Variants in GRIK4 observed in about 807,000 individuals in gnomAD.
The protein encoded by GRIK4 is glutamate ionotropic receptor kainate type subunit 4.
Under a neutral mutation model 104.9 loss-of-function variants are expected in GRIK4, and 40 were observed. That is an observed-to-expected ratio of 0.38 (90% CI 0.30 to 0.50). The LOEUF (loss-of-function observed/expected upper bound fraction) is 0.50, where lower values mean the gene tolerates loss of function less well. Ranked by LOEUF, GRIK4 falls within the 20% of genes least tolerant of loss-of-function variation. The probability of loss-of-function intolerance (pLI) is 0.93; values close to 1 mark genes in which losing one functional copy is unlikely to be tolerated. For synonymous variants in GRIK4, 485 were observed against 524.9 expected (o/e 0.92, Z 1.04); for missense variants, 1,047 against 1,308.1 (o/e 0.80, Z 3.08).
intron 2 of GRIK4, among the ~76,000 whole-genome samples, chr11:120,659,487 A>T (rs1949775736): frequency 6.6e-6 from 1 of 152,132 alleles, no homozygotes; most frequent in Admixed American, 6.5e-5. Context: ...TCTTTAGTTC[A>T]ACTCCACCAG....
At chr11:120,966,206 C>A (rs1197919938) in intron 18 of GRIK4, among the ~76,000 whole-genome samples, 1 of 152,094 alleles carries the variant, frequency 6.6e-6, no homozygotes, top group Non-Finnish European at 1.5e-5. Context: ...GATGGACAGG[C>A]CAGTGGGTTC....
chr11:120,628,582 G>A (rs900963896), intron 1 of GRIK4, among the ~76,000 whole-genome samples: 1 of 152,194 alleles, frequency 6.6e-6, no homozygotes, highest in Admixed American at 6.5e-5. Context: ...GCCATGGAAA[G>A]GTTGATGGTC....
chr11:120,751,210 C>G (rs1042424597), intron 3 of GRIK4, among the ~76,000 whole-genome samples: 1 of 151,976 alleles, frequency 6.6e-6, no homozygotes, highest in Admixed American at 6.6e-5. Context: ...GCTCAGAACC[C>G]GTGCCTGGCA....
At chr11:120,775,177 C>T (rs759820830) in intron 3 of GRIK4, among the ~76,000 whole-genome samples, 1 of 152,196 alleles carries the variant, frequency 6.6e-6, no homozygotes, top group South Asian at 2.1e-4. Context: ...CCCTGGGCCT[C>T]TGTATTTCTT....
At chr11:120,891,881 AT>A (rs1392450169) in intron 11 of GRIK4, among the ~76,000 whole-genome samples, 5 of 152,134 alleles carry the variant, frequency 3.3e-5, no homozygotes, top group African/African-American at 1.2e-4. Flanking sequence ...GATTCAGCAA[AT>A]TTTTTTCTAT....
At chr11:120,849,077 G>A (rs1953917627) in intron 8 of GRIK4, among the ~76,000 whole-genome samples, 1 of 152,054 alleles carries the variant, frequency 6.6e-6, no homozygotes, top group Non-Finnish European at 1.5e-5. Flanking sequence ...AGTCCCACGG[G>A]GCTCCCAGAG....
At chr11:120,533,687 G>A (rs1236068251) in intron 1 of GRIK4, among the ~76,000 whole-genome samples, 1 of 152,188 alleles carries the variant, frequency 6.6e-6, no homozygotes, top group African/African-American at 2.4e-5. Flanking sequence ...AGACCAGCCT[G>A]GCCAACATGG....
chr11:120,617,683 T>C (rs992035735), intron 1 of GRIK4, among the ~76,000 whole-genome samples: 3 of 152,162 alleles, frequency 2.0e-5, no homozygotes, highest in Non-Finnish European at 4.4e-5. Flanking sequence ...GATCTGGTCA[T>C]TTAAAAGTGT....
At chr11:120,823,533 G>A (rs958410725) in intron 6 of GRIK4, among the ~76,000 whole-genome samples, 19 of 152,190 alleles carry the variant, frequency 1.2e-4, no homozygotes, top group Admixed American at 1.0e-3. Context: ...CAGCTGGTAC[G>A]TGGCAAAGCT....
At chr11:120,520,962 AG>A (rs1232819936) in intron 1 of GRIK4, among the ~76,000 whole-genome samples, 1 of 152,128 alleles carries the variant, frequency 6.6e-6, no homozygotes, top group Non-Finnish European at 1.5e-5. Flanking sequence ...AGAAGACAAA[AG>A]TGGGTTTGGG....
chr11:120,551,607 C>T (rs908795304), intron 1 of GRIK4, among the ~76,000 whole-genome samples: 3 of 151,968 alleles, frequency 2.0e-5, no homozygotes, highest in African/African-American at 2.4e-5. Context: ...GTGGCGAAAC[C>T]CTGTCTCTAC....
chr11:120,803,098 C>T (rs189039497), intron 4 of GRIK4, among the ~76,000 whole-genome samples: 1 of 152,310 alleles, frequency 6.6e-6, no homozygotes, highest in East Asian at 1.9e-4. Flanking sequence ...TTCATTCATC[C>T]ACTCATTCAT....
chr11:120,889,619 T>TTTTTTTTTA lies in GRIK4; in HGVS notation c.1165-8913_1165-8912insTTTTTTTTA, dbSNP rs1955224199. Among the ~76,000 whole-genome samples the TTTTTTTTTA allele has an allele frequency of 2.2e-5, 3 of 138,738 alleles. 1 individual carries two copies. The highest frequency in any genetic ancestry group is 1.4e-4 in the Admixed American group (2 of 14,182). The allele number at this position is 138,738 out of a possible 152,430, so 91.0% of individuals were successfully genotyped here. A position where few individuals can be genotyped will look rare whatever the true frequency, so the allele number is the denominator to read the frequency against. On this transcript the variant is annotated intron_variant, in intron 11 of 20. Transcript: ENST00000527524. Reference sequence around the variant, plus strand: ...TTTTTTTTTTTTTTTTTTTTTTTTTTATGAGATGGAGTTTTACTCTTGTTG... The same window carrying TTTTTTTTTA: ...TTTTTTTTTTTTTTTTTTTTTTTTTTTTTTTTTTAATGAGATGGAGTTTTACTCTTGTTG...
chr11:120,867,257 C>T lies in GRIK4; in HGVS notation c.906+5137C>T, dbSNP rs1027323387. The stretch of plus-strand genomic sequence containing the variant: ...AGCAACCAGCTTTTGAAAAGTGGTG[C>T]CTCTTCCTGTCTCTTTGGGGGCTGA... On this transcript the variant is annotated intron_variant, in intron 9 of 20. Coordinates refer to ENST00000527524, the MANE Select transcript of GRIK4 (RefSeq NM_014619.5). Among the ~76,000 whole-genome samples the T allele has an allele frequency of 2.0e-5, 3 of 152,250 alleles. No homozygotes were observed. The South Asian group carries it at 6.2e-4, about 32-fold the overall frequency.
At chr11:120,854,984 TA>T (rs758865597) in intron 8 of GRIK4, among the ~76,000 whole-genome samples, 24 of 152,332 alleles carry the variant, frequency 1.6e-4, no homozygotes, top group Middle Eastern at 3.4e-3. Flanking sequence ...CCAGGACAGT[TA>T]TTCTCCTAAC....
intron 3 of GRIK4, among the ~76,000 whole-genome samples, chr11:120,748,204 C>T (rs889574340): frequency 3.9e-5 from 6 of 151,960 alleles, no homozygotes; most frequent in South Asian, 2.1e-4. Context: ...TCTCTCCCTG[C>T]GTCCCTCCTC....
At chr11:120,978,077 T>C (rs189762014) in intron 19 of GRIK4, among the ~76,000 whole-genome samples, 20 of 152,338 alleles carry the variant, frequency 1.3e-4, no homozygotes, top group Admixed American at 9.1e-4. Flanking sequence ...TGCAGCCCTC[T>C]GCATCTGGAA....
At chr11:120,647,982 C>T (rs1023202769) in intron 1 of GRIK4, among the ~76,000 whole-genome samples, 3 of 152,154 alleles carry the variant, frequency 2.0e-5, no homozygotes, top group Admixed American at 6.5e-5. Flanking sequence ...CATGTGGCAG[C>T]CCCCTGTTGG....
chr11:120,836,783 C>A lies in GRIK4; in HGVS notation c.691-8C>A. The A allele has an allele frequency of 6.3e-7, 1 of 1,595,630 alleles. No individual in the cohort carries two copies. On this transcript the variant is annotated splice_polypyrimidine_tract_variant and splice_region_variant and intron_variant, in intron 7 of 20. Coordinates refer to ENST00000527524, the MANE Select transcript of GRIK4 (RefSeq NM_014619.5). The stretch of plus-strand genomic sequence containing the variant: ...TTCTTCTCTAATCTCCTTCTCTTCG[C>A]CTTGCAGGCAGCCGAACTTGGGATG...
Sources: allele counts gnomAD v4.1 joint callset (sites outside exome capture counted in the v4.1 genomes callset), GRCh38; gene constraint gnomAD v4.1.1; transcripts MANE v1.5; gene names NCBI Gene and HGNC (gene_info 2026-07-23, HGNC 2026-07-21).